GDPD5: variants seen among roughly 807,000 people sequenced by gnomAD.
GDPD5 encodes the protein glycerophosphodiester phosphodiesterase 2.
A neutral mutation model predicts 75.1 loss-of-function variants in GDPD5; 48 were observed. The observed-to-expected ratio is 0.64, with a 90% CI of 0.51 to 0.81. GDPD5 has a LOEUF of 0.81. Ranked by LOEUF, GDPD5 falls within the 40% of genes least tolerant of loss-of-function variation. The pLI is 0.00. For synonymous variants in GDPD5, 336 were observed against 339.0 expected (o/e 0.99, Z 0.10); for missense variants, 706 against 822.6 (o/e 0.86, Z 1.73).
In GDPD5 at chr11:75,475,820, C is replaced by T. The variant is rs1045958769; in HGVS notation, c.117+1799G>A. ...CCCCTGCTGCCCCTCCAGCCTTGGC[C>T]CCAGACCCCTGCCTCAGATTGGTGA... is the stretch of plus-strand genomic sequence containing the variant. On this transcript the variant is annotated intron_variant, in intron 3 of 16. Transcript: ENST00000336898. Among the ~76,000 whole-genome samples, 4 of 152,306 alleles carry T rather than the reference C, an allele frequency of 2.6e-5. No individual in the cohort carries two copies. In the East Asian group the frequency reaches 7.7e-4, roughly 29 times the overall value.
intron 3 of GDPD5, among the ~76,000 whole-genome samples, chr11:75,471,060 G>T (rs1232323607): frequency 6.6e-6 from 1 of 152,232 alleles, no homozygotes; most frequent in East Asian, 1.9e-4. Flanking sequence ...AGACTGAAGA[G>T]TGCCTACTCC....
At chr11:75,470,483 G>A (rs1310491307) in intron 3 of GDPD5, among the ~76,000 whole-genome samples, 4 of 152,102 alleles carry the variant, frequency 2.6e-5, no homozygotes, top group Admixed American at 6.6e-5. Flanking sequence ...TTACACCCAC[G>A]ATTTCTCGGC....
At chr11:75,468,825 C>T (rs1278599734) in intron 3 of GDPD5, among the ~76,000 whole-genome samples, 1 of 152,192 alleles carries the variant, frequency 6.6e-6, no homozygotes, top group African/African-American at 2.4e-5. Flanking sequence ...CACAAAAGAG[C>T]TGGATTTTCA....
chr11:75,468,502 C>G (rs1361683919), intron 3 of GDPD5, among the ~76,000 whole-genome samples: 1 of 152,182 alleles, frequency 6.6e-6, no homozygotes, highest in Non-Finnish European at 1.5e-5. Flanking sequence ...GGTTTGAATC[C>G]CAGACTGGCC....
chr11:75,473,183 G>A (rs903983416), intron 3 of GDPD5, among the ~76,000 whole-genome samples: 17 of 152,064 alleles, frequency 1.1e-4, no homozygotes, highest in Non-Finnish European at 2.2e-4. Flanking sequence ...GCCAGGGTAG[G>A]GTGATGGGGG....
In GDPD5 at chr11:75,525,586, A is replaced by G. The variant is rs529762468; in HGVS notation, c.-521T>C. 6.6e-6 allele frequency: 1 copy of G among 152,092 alleles called. No individual in the cohort carries two copies. The highest frequency in any genetic ancestry group is 1.5e-5 in the Non-Finnish European group (1 of 68,000). 9.4% of individuals were successfully genotyped at this position (152,092 alleles called of 1,614,324 possible). Reference sequence around the variant, plus strand: ...GCGCGGAGCGACCCTGCAACCACGGACCGGTACGGCGGCGTTAGGAGCGTC... The same window carrying G: ...GCGCGGAGCGACCCTGCAACCACGGGCCGGTACGGCGGCGTTAGGAGCGTC... On this transcript the variant is annotated 5_prime_UTR_variant, in exon 1 of 17. Coordinates refer to ENST00000336898, the MANE Select transcript of GDPD5 (RefSeq NM_030792.8).
At chr11:75,518,808 C>T (rs1378806612) in intron 1 of GDPD5, among the ~76,000 whole-genome samples, 1 of 152,108 alleles carries the variant, frequency 6.6e-6, no homozygotes, top group Admixed American at 6.5e-5. Context: ...GGTTCCAGCT[C>T]CCTTGTCAGT....
At chr11:75,436,870 T>C (rs1948639249) in intron 16 of GDPD5, 66 bp downstream of exon 16, 1 of 1,196,494 alleles carries the variant, frequency 8.4e-7, no homozygotes, top group South Asian at 1.2e-5. Context: ...TACACATCTG[T>C]TTGCATGTGG....
At chr11:75,502,254 C>T (rs1950315874) in intron 1 of GDPD5, among the ~76,000 whole-genome samples, 1 of 152,254 alleles carries the variant, frequency 6.6e-6, no homozygotes, top group Non-Finnish European at 1.5e-5. Flanking sequence ...CAGCTCAACA[C>T]TTTTGCAAAG....
intron 7 of GDPD5, 64 bp downstream of exon 7, chr11:75,449,821 T>A: frequency 6.5e-7 from 1 of 1,539,574 alleles, no homozygotes; most frequent in South Asian, 1.1e-5. Flanking sequence ...GGCCTTGGTC[T>A]GGAGAAAGGG....
At chr11:75,517,133 G>A (rs1950654432) in intron 1 of GDPD5, among the ~76,000 whole-genome samples, 1 of 152,160 alleles carries the variant, frequency 6.6e-6, no homozygotes, top group African/African-American at 2.4e-5. Context: ...TGTTGGGGGA[G>A]GTGCTAAGTG....
In GDPD5 at chr11:75,483,349, G is replaced by A. The variant is rs113620979; in HGVS notation, c.-60-5554C>T. ...AAAAGCAAGAGTCCATGACTGAGATGGAATAAACACGCACTATGGAGCAGA... is the reference window on the plus strand; with the variant it reads ...AAAAGCAAGAGTCCATGACTGAGATAGAATAAACACGCACTATGGAGCAGA... On this transcript the variant is annotated intron_variant, in intron 2 of 16. Coordinates refer to ENST00000336898, the MANE Select transcript of GDPD5 (RefSeq NM_030792.8). Among the ~76,000 whole-genome samples the A allele has an allele frequency of 2.0e-3, 302 of 152,298 alleles. 3 individuals carry two copies. The highest frequency in any genetic ancestry group is 1.9e-3 in the Non-Finnish European group (128 of 68,028).
chr11:75,481,513 G>A (rs1396846722), intron 2 of GDPD5, among the ~76,000 whole-genome samples: 3 of 152,148 alleles, frequency 2.0e-5, no homozygotes, highest in African/African-American at 7.2e-5. Context: ...CCTGAGCCAG[G>A]GCCTGGGGGA....
intron 1 of GDPD5, among the ~76,000 whole-genome samples, chr11:75,505,527 C>A (rs1216916994): frequency 6.6e-6 from 1 of 152,162 alleles, no homozygotes; most frequent in African/African-American, 2.4e-5. Flanking sequence ...GAATGACCTG[C>A]AATTCCTAGG....
chr11:75,489,277 G>C (rs940318201), intron 2 of GDPD5, among the ~76,000 whole-genome samples: 3 of 152,206 alleles, frequency 2.0e-5, no homozygotes, highest in Admixed American at 6.5e-5. Context: ...AGTGTAAGAT[G>C]ACCTCAAATC....
At chr11:75,447,495 G>C (rs1224121017) in intron 9 of GDPD5, among the ~76,000 whole-genome samples, 2 of 152,260 alleles carry the variant, frequency 1.3e-5, no homozygotes, top group African/African-American at 2.4e-5. Context: ...AGAAAAAAAA[G>C]TAGGGAACAG....
At chr11:75,435,743 C>T in intron 16 of GDPD5, 88 bp from the exon 17 acceptor site, 1 of 1,359,496 alleles carries the variant, frequency 7.4e-7, no homozygotes, top group South Asian at 1.5e-5. Flanking sequence ...GCTGCACCAC[C>T]CAGCGGGGCA....
At chr11:75,505,172 A>G (rs74237445) in intron 1 of GDPD5, among the ~76,000 whole-genome samples, 8,117 of 151,562 alleles carry the variant, frequency 0.054, 318 homozygotes, top group East Asian at 0.13. Flanking sequence ...GTAGATAGGG[A>G]GATTAGAAAG....
chr11:75,467,262 C>T (rs1223713224), intron 3 of GDPD5, among the ~76,000 whole-genome samples: 2 of 152,224 alleles, frequency 1.3e-5, no homozygotes, highest in Non-Finnish European at 2.9e-5. Context: ...AATAACAGCC[C>T]TTCCCTCGGA....
Sources: gnomAD v4.1 joint callset for allele counts (sites outside exome capture counted in the v4.1 genomes callset) on GRCh38, gnomAD v4.1.1 for gene constraint, MANE v1.5 for transcripts, NCBI Gene and HGNC (gene_info 2026-07-23, HGNC 2026-07-21) for gene names.